Variants in TLR2 observed in about 807,000 individuals in gnomAD.
TLR2 encodes the protein toll like receptor 2.
A neutral mutation model predicts 9.1 loss-of-function variants in TLR2; 7 were observed. That is an observed-to-expected ratio of 0.77 (90% confidence interval 0.44 to 1.44). The LOEUF is 1.44. Among genes scored for constraint, TLR2 ranks in the 40% most tolerant of loss-of-function variants. The probability of loss-of-function intolerance (pLI) is 0.01; values close to 1 mark genes in which losing one functional copy is unlikely to be tolerated. For synonymous variants in TLR2, 317 were observed against 344.6 expected, an observed-to-expected ratio of 0.92 and a Z score of 0.89; for missense variants, 812 against 904.6, an observed-to-expected ratio of 0.90 and a Z score of 1.31.
chr4:153,704,069 TC>T lies in TLR2; in HGVS notation c.1163del (p.Ser388PhefsTer5). 1 of 1,614,108 alleles carries T rather than the reference TC, an allele frequency of 6.2e-7. No individual in the cohort carries two copies. Among genetic ancestry groups the T allele is most frequent in the Non-Finnish European group, 8.5e-7 (1 of 1,180,000 alleles). On this transcript the variant is annotated frameshift_variant, in exon 3 of 3. Coordinates refer to ENST00000642700, the MANE Select transcript of TLR2 (RefSeq NM_001318789.2). LOFTEE classifies it low-confidence loss of function (END_TRUNC). ...KNSACEDAWP[S>X]LQTLILRQNH... ...TTCAGCCTGTGAGGATGCCTGGCCC[TC>T]TCTACAAACTTTAATTTTAAGGCAA...
At chr4:153,687,823 T>G (rs1431601581) in intron 1 of TLR2, 79 bp from the exon 2 acceptor site, 1 of 152,206 alleles carries the variant, frequency 6.6e-6, no homozygotes, top group African/African-American at 2.4e-5. Context: ...TCTCTGAAAC[T>G]TTTGTGAATC....
intron 2 of TLR2, among the ~76,000 whole-genome samples, chr4:153,690,136 C>G (rs1736003759): frequency 6.6e-6 from 1 of 152,216 alleles, no homozygotes; most frequent in African/African-American, 2.4e-5. Flanking sequence ...ATCTCTGCAC[C>G]AAGCCAGTTG....
chr4:153,684,573 C>G (rs988595027), intron 1 of TLR2, among the ~76,000 whole-genome samples: 1 of 152,176 alleles, frequency 6.6e-6, no homozygotes, highest in Admixed American at 6.5e-5. Context: ...CACGGCCCAG[C>G]GCGGGAATGT....
At chr4:153,709,622 T>A (rs1326106102), downstream of TLR2, among the ~76,000 whole-genome samples, 1 of 152,154 alleles carries the variant, frequency 6.6e-6, no homozygotes, top group East Asian at 1.9e-4. Flanking sequence ...GAGAAGACAA[T>A]AAATTTATGA....
chr4:153,701,136 T>A lies in TLR2; in HGVS notation c.-16-1756T>A, dbSNP rs189996368. On this transcript the variant is annotated intron_variant, in intron 2 of 2. Coordinates refer to ENST00000642700, the MANE Select transcript of TLR2 (RefSeq NM_001318789.2). ...CATCTGTTCATCAAAAGTACTATAG[T>A]TTGAATAGCAGTGTCTCCTCCAAAA... 2.0e-3 allele frequency among the ~76,000 whole-genome samples: 298 copies of A among 152,232 alleles called. 1 individual carries two copies. Among genetic ancestry groups the A allele is most frequent in the African/African-American group, 5.9e-3 (247 of 41,550 alleles).
At chr4:153,698,603 G>A (rs1279581604) in intron 2 of TLR2, among the ~76,000 whole-genome samples, 1 of 152,158 alleles carries the variant, frequency 6.6e-6, no homozygotes, top group Non-Finnish European at 1.5e-5. Context: ...TGTTATGACT[G>A]TTCTAAAATT....
downstream of TLR2, among the ~76,000 whole-genome samples, chr4:153,709,720 G>T (rs1425075403): frequency 3.3e-5 from 5 of 152,232 alleles, no homozygotes; most frequent in African/African-American, 1.2e-4. Flanking sequence ...GTGTGCACGC[G>T]CACGCAGAGT....
At chr4:153,686,491 A>C (rs1735714554) in intron 1 of TLR2, among the ~76,000 whole-genome samples, 1 of 152,234 alleles carries the variant, frequency 6.6e-6, no homozygotes, top group African/African-American at 2.4e-5. Flanking sequence ...TACAAGAGAC[A>C]CATTTATGGA....
At chr4:153,684,550 C>T (rs1431196323) in intron 1 of TLR2, among the ~76,000 whole-genome samples, 190 bp downstream of exon 1, 4 of 152,208 alleles carry the variant, frequency 2.6e-5, no homozygotes, top group African/African-American at 7.2e-5. Context: ...CCCGGGACGC[C>T]GGTGCTTCTT....
At position 153,703,706 on chromosome 4, in the gene TLR2, T is replaced by C. The variant is rs748232742; in HGVS notation, c.799T>C (p.Phe267Leu). 6.2e-7 allele frequency: 1 copy of C among 1,613,798 alleles called. No individual in the cohort carries two copies. Among genetic ancestry groups the C allele is most frequent in the Admixed American group, 1.7e-5 (1 of 59,968 alleles). Residue 267 changes from phenylalanine to leucine, a missense_variant, in exon 3 of 3, where the codon TTT becomes CTT. Physicochemically the swap from Phe to Leu is conservative, Grantham distance 22. Coordinates refer to ENST00000642700, the MANE Select transcript of TLR2 (RefSeq NM_001318789.2). The part of the protein sequence containing the change: ...RNVKITDESL[F>L]QVMKLLNQIS... ...TGTGAAAATCACCGATGAAAGTTTG[T>C]TTCAGGTTATGAAACTTTTGAATCA...
At position 153,703,948 on chromosome 4, in the gene TLR2, A is replaced by G; in HGVS notation, c.1041A>G (p.Lys347=). ...RVKRITVENS[K]VFLVPCLLSQ... is the part of the protein sequence containing the mutation. ...AAAGAATCACAGTAGAAAACAGTAA[A>G]GTTTTTCTGGTTCCTTGTTTACTTT... The change falls in exon 3 of 3, where the codon AAA becomes AAG. Residue 347 remains lysine, a synonymous_variant. Transcript: ENST00000642700. 1.9e-6 allele frequency: 3 copies of G among 1,611,934 alleles called. No homozygotes were observed. The highest frequency in any genetic ancestry group is 2.5e-6 in the Non-Finnish European group (3 of 1,179,466).
chr4:153,685,528 A>AAAAC (rs1325253012), intron 1 of TLR2, among the ~76,000 whole-genome samples: 1 of 152,196 alleles, frequency 6.6e-6, no homozygotes, highest in Non-Finnish European at 1.5e-5. Flanking sequence ...AACACAAAAC[A>AAAAC]AAACAAACAA....
downstream of TLR2, among the ~76,000 whole-genome samples, chr4:153,707,206 T>C (rs909535519): frequency 1.3e-5 from 2 of 152,102 alleles, no homozygotes; most frequent in African/African-American, 4.8e-5. Flanking sequence ...GGAACTCGCA[T>C]AGGGCTGCTG....
intron 1 of TLR2, among the ~76,000 whole-genome samples, chr4:153,685,054 C>T (rs907406896): frequency 1.3e-5 from 2 of 151,962 alleles, no homozygotes; most frequent in African/African-American, 2.4e-5. Flanking sequence ...AGGTTCCGTG[C>T]TCTGGGTCTG....
At chr4:153,707,803 G>A (rs960396439), downstream of TLR2, among the ~76,000 whole-genome samples, 5 of 151,548 alleles carry the variant, frequency 3.3e-5, no homozygotes, top group Non-Finnish European at 7.4e-5. Context: ...TAGGACGGAC[G>A]TGGTGGCTTA....
rs369230005 is a variant in TLR2, at chr4:153,695,886, G to A, written c.-16-7006G>A. On this transcript the variant is annotated intron_variant, in intron 2 of 2. Transcript: ENST00000642700. ...AAGATATAGGGGTCTAGTTTCTTCC[G>A]CATATGGATATCTACTTTTCCCAGT... Among the ~76,000 whole-genome samples, 40 of 152,022 alleles carry A rather than the reference G, an allele frequency of 2.6e-4. No individual in the cohort carries two copies. In the East Asian group the frequency reaches 6.0e-3, roughly 23 times the overall value.
chr4:153,702,811 G>T, intron 2 of TLR2, 81 bp from the exon 3 acceptor site: 10 of 697,594 alleles, frequency 1.4e-5, no homozygotes, highest in Non-Finnish European at 2.3e-5. Context: ...TGTGTGTTAT[G>T]CCTAGAAAAC....
chr4:153,704,038 GA>G lies in TLR2; in HGVS notation c.1136del (p.Asn379IlefsTer14). On this transcript the variant is annotated frameshift_variant, in exon 3 of 3. Transcript: ENST00000642700. LOFTEE classifies it low-confidence loss of function (END_TRUNC). ...SENLMVEEYL[K>X]NSACEDAWPS... The stretch of plus-strand genomic sequence containing the variant: ...AAAATTTGATGGTTGAAGAATACTT[GA>G]AAAATTCAGCCTGTGAGGATGCCTG... The G allele has an allele frequency of 5.6e-6, 9 of 1,614,078 alleles. No individual in the cohort carries two copies. Among genetic ancestry groups the G allele is most frequent in the Non-Finnish European group, 7.6e-6 (9 of 1,180,002 alleles).
rs114353103 is a variant in TLR2, at chr4:153,693,758, C to T, written c.-17+5711C>T. 5.0e-3 allele frequency among the ~76,000 whole-genome samples: 769 copies of T among 152,294 alleles called. 7 individuals carry two copies. Among genetic ancestry groups the T allele is most frequent in the African/African-American group, 0.018 (739 of 41,566 alleles). On this transcript the variant is annotated intron_variant, in intron 2 of 2. Coordinates refer to ENST00000642700, the MANE Select transcript of TLR2 (RefSeq NM_001318789.2). ...CCAAGGTGGAATGAGCTAGAGCCCA[C>T]ACTTGCCCATTGTTACCCTGATGCT...
Sources: gnomAD v4.1 joint callset for allele counts (sites outside exome capture counted in the v4.1 genomes callset) on GRCh38, gnomAD v4.1.1 for gene constraint, MANE v1.5 for transcripts, NCBI Gene and HGNC (gene_info 2026-07-23, HGNC 2026-07-21) for gene names.